MALRD1: variants seen among roughly 807,000 people sequenced by gnomAD.
The protein encoded by MALRD1 is MAM and LDL receptor class A domain containing 1, also known as MAM and LDL-receptor class A domain-containing protein 1.
MALRD1 carries 247 observed loss-of-function variants against 242.1 expected under a neutral mutation model. That is an observed-to-expected ratio of 1.02 (90% CI 0.92 to 1.13). The LOEUF (loss-of-function observed/expected upper bound fraction) is 1.13, where lower values mean the gene tolerates loss of function less well. Among genes scored for constraint, MALRD1 ranks in the 50% most tolerant of loss-of-function variants. The pLI is 0.00. For synonymous variants in MALRD1, 995 were observed against 866.6 expected (o/e 1.15, Z -2.60); for missense variants, 2,989 against 2,533.1 (o/e 1.18, Z -3.86).
chr10:19,491,114 T>A (rs1837474988), intron 29 of MALRD1: 2 of 354,534 alleles, frequency 5.6e-6, no homozygotes, highest in Admixed American at 7.1e-5. Flanking sequence ...TGCTATAGAC[T>A]CAGATCACCA....
At chr10:19,203,472 T>C (rs1049742048) in intron 14 of MALRD1, among the ~76,000 whole-genome samples, 3 of 152,222 alleles carry the variant, frequency 2.0e-5, no homozygotes, top group Admixed American at 1.3e-4. Flanking sequence ...GGCTGAATGA[T>C]GCTGTTTCTC....
intron 29 of MALRD1, among the ~76,000 whole-genome samples, chr10:19,463,928 A>T (rs1836083018): frequency 6.6e-6 from 1 of 152,200 alleles, no homozygotes; most frequent in African/African-American, 2.4e-5. Context: ...GTAAGGTGGT[A>T]TCACATTGTG....
chr10:19,429,473 A>G (rs1218548304), intron 28 of MALRD1, among the ~76,000 whole-genome samples: 1 of 152,120 alleles, frequency 6.6e-6, no homozygotes, highest in Non-Finnish European at 1.5e-5. Flanking sequence ...CTGAAGCTGG[A>G]GGATCACGTG....
At chr10:19,134,080 A>G (rs1222154376) in intron 9 of MALRD1, 132 bp downstream of exon 9, 14 of 401,062 alleles carry the variant, frequency 3.5e-5, no homozygotes, top group Non-Finnish European at 5.9e-5. Flanking sequence ...ATTTGGGGAG[A>G]GTGATTGCTT....
In MALRD1 at chr10:19,687,901, TA is replaced by T. The variant is rs1362193251; in HGVS notation, c.6138-4380del. On this transcript the variant is annotated intron_variant, in intron 36 of 39. Transcript: ENST00000454679. ...GTAAAACACCTTAATTATTATTATT[TA>T]TTTTTTTAATGTTATGTTATGTTAT... is the stretch of plus-strand genomic sequence containing the variant. Among the ~76,000 whole-genome samples the T allele has an allele frequency of 4.6e-5, 7 of 151,192 alleles. No individual in the cohort carries two copies. The East Asian group carries it at 7.9e-4, about 17-fold the overall frequency.
chr10:19,656,314 A>G (rs950741748), intron 36 of MALRD1, among the ~76,000 whole-genome samples: 7 of 152,172 alleles, frequency 4.6e-5, no homozygotes, highest in Non-Finnish European at 5.9e-5. Context: ...TGAAAGTTCA[A>G]TTATTTTAGA....
intron 2 of MALRD1, among the ~76,000 whole-genome samples, chr10:19,070,221 T>C (rs1173371447): frequency 6.6e-6 from 1 of 152,134 alleles, no homozygotes; most frequent in East Asian, 1.9e-4. Flanking sequence ...CCATCATAAA[T>C]TGAAAATGCA....
chr10:19,597,751 G>A (rs1838168969), intron 34 of MALRD1, among the ~76,000 whole-genome samples: 1 of 152,136 alleles, frequency 6.6e-6, no homozygotes. Context: ...GAGCAATCCT[G>A]TGACAGAGAC....
At chr10:19,568,068 T>A (rs541901218) in intron 33 of MALRD1, among the ~76,000 whole-genome samples, 4 of 152,324 alleles carry the variant, frequency 2.6e-5, no homozygotes, top group African/African-American at 9.6e-5. Context: ...TCCATCTGTA[T>A]TAAGCTTTTC....
At chr10:19,464,302 G>A (rs56073312) in intron 29 of MALRD1, among the ~76,000 whole-genome samples, 6,501 of 152,084 alleles carry the variant, frequency 0.043, 467 homozygotes, top group African/African-American at 0.15. Flanking sequence ...TGGCTAGAAG[G>A]GTTTTTCCGA....
At chr10:19,387,309 T>C (rs2130806128) in intron 26 of MALRD1, among the ~76,000 whole-genome samples, 1 of 152,010 alleles carries the variant, frequency 6.6e-6, no homozygotes, top group South Asian at 2.1e-4. Context: ...TTTTTTTTTT[T>C]TTTTAGCATT....
At chr10:19,261,240 T>G (rs560163896) in intron 19 of MALRD1, among the ~76,000 whole-genome samples, 17 of 152,250 alleles carry the variant, frequency 1.1e-4, no homozygotes, top group African/African-American at 4.1e-4. Context: ...AGTTACTGAG[T>G]GTTGGTCCCA....
At chr10:19,612,725 C>G (rs1838956123) in intron 35 of MALRD1, among the ~76,000 whole-genome samples, 1 of 151,942 alleles carries the variant, frequency 6.6e-6, no homozygotes, top group Non-Finnish European at 1.5e-5. Context: ...ACCAAGCAAG[C>G]ACATATTCAC....
intron 31 of MALRD1, among the ~76,000 whole-genome samples, chr10:19,513,749 A>C (rs1833511448): frequency 2.1e-5 from 1 of 47,510 alleles, no homozygotes; most frequent in Admixed American, 1.9e-4. Flanking sequence ...AAAAGAAAAG[A>C]AAAAAAAAAT....
At chr10:19,568,240 C>A (rs1024683921) in intron 33 of MALRD1, among the ~76,000 whole-genome samples, 6 of 152,186 alleles carry the variant, frequency 3.9e-5, no homozygotes, top group Non-Finnish European at 7.4e-5. Context: ...GATGTTCCCC[C>A]CCTAAGTGGG....
At chr10:19,240,205 C>A (rs7902869) in intron 18 of MALRD1, among the ~76,000 whole-genome samples, 2 of 151,786 alleles carry the variant, frequency 1.3e-5, no homozygotes, top group East Asian at 3.9e-4. Flanking sequence ...AGATCTTTCA[C>A]GGCCTTGATT....
intron 28 of MALRD1, among the ~76,000 whole-genome samples, chr10:19,401,821 A>G (rs1425996107): frequency 1.3e-5 from 1 of 79,920 alleles, no homozygotes; most frequent in Non-Finnish European, 3.2e-5. Flanking sequence ...CAAACAATCA[A>G]AAGAGAGTTA....
intron 1 of MALRD1, among the ~76,000 whole-genome samples, chr10:19,065,818 A>G (rs185664548): frequency 1.5e-3 from 225 of 152,282 alleles, no homozygotes; most frequent in Middle Eastern, 6.8e-3. Flanking sequence ...CCTCAAACAC[A>G]GATTCAATGA....
At chr10:19,447,249 G>A (rs750253802) in intron 28 of MALRD1, among the ~76,000 whole-genome samples, 5 of 152,140 alleles carry the variant, frequency 3.3e-5, no homozygotes, top group Non-Finnish European at 7.4e-5. Context: ...CACTGTGTGA[G>A]CACAGAAAGT....
Sources: allele counts gnomAD v4.1 joint callset (sites outside exome capture counted in the v4.1 genomes callset), GRCh38; gene constraint gnomAD v4.1.1; transcripts MANE v1.5; gene names NCBI Gene and HGNC (gene_info 2026-07-23, HGNC 2026-07-21).